Variants in GSK3B observed in about 807,000 individuals in gnomAD.
GSK3B encodes glycogen synthase kinase-3 beta.
A neutral mutation model predicts 56.4 loss-of-function variants in GSK3B; 15 were observed. The ratio of observed to expected loss-of-function variants is 0.27; its 90% CI spans 0.18 to 0.41. The LOEUF (loss-of-function observed/expected upper bound fraction) is 0.41. Among genes scored for constraint, GSK3B ranks in the 10% least tolerant of loss-of-function variants. GSK3B has a pLI of 1.00. For missense variants in GSK3B, 300 were observed against 513.4 expected (o/e 0.58, Z 4.02); for synonymous variants, 181 against 188.9 (o/e 0.96, Z 0.34).
intron 2 of GSK3B, among the ~76,000 whole-genome samples, chr3:119,975,735 G>A (rs779822844): frequency 6.6e-6 from 1 of 152,106 alleles, no homozygotes; most frequent in African/African-American, 2.4e-5. Flanking sequence ...CACAAAGAGT[G>A]AACCATAAGG....
intron 1 of GSK3B, among the ~76,000 whole-genome samples, chr3:120,046,356 C>T (rs77880409): frequency 0.016 from 2,416 of 151,908 alleles, 63 homozygotes; most frequent in African/African-American, 0.055. Flanking sequence ...TGTTAGTAAC[C>T]GGGAAAAATG....
chr3:120,048,473 T>G (rs2058121743), intron 1 of GSK3B, among the ~76,000 whole-genome samples: 1 of 152,240 alleles, frequency 6.6e-6, no homozygotes, highest in Non-Finnish European at 1.5e-5. Context: ...TGCCACTTAC[T>G]AACTGTATTA....
intron 2 of GSK3B, among the ~76,000 whole-genome samples, chr3:120,000,629 T>C (rs2057666425): frequency 6.6e-6 from 1 of 152,092 alleles, no homozygotes; most frequent in African/African-American, 2.4e-5. Flanking sequence ...CAACGCTGCA[T>C]AGTGACAGAG....
At chr3:119,959,560 G>A (rs2057249796) in intron 2 of GSK3B, among the ~76,000 whole-genome samples, 1 of 142,414 alleles carries the variant, frequency 7.0e-6, no homozygotes, top group African/African-American at 2.6e-5. Context: ...TGTCGCCCAG[G>A]CTGGAGTGCA....
chr3:119,929,206 A>G (rs2056919625), intron 3 of GSK3B, among the ~76,000 whole-genome samples: 1 of 152,224 alleles, frequency 6.6e-6, no homozygotes. Flanking sequence ...TCTAATAAAG[A>G]GAACAAATTA....
chr3:119,915,067 A>G (rs773143037), intron 5 of GSK3B, among the ~76,000 whole-genome samples: 1 of 152,096 alleles, frequency 6.6e-6, no homozygotes, highest in Non-Finnish European at 1.5e-5. Context: ...ATGGGAATGT[A>G]GGCTTGACTA....
intron 9 of GSK3B, among the ~76,000 whole-genome samples, chr3:119,862,889 A>T (rs902465412): frequency 3.3e-5 from 5 of 152,198 alleles, no homozygotes; most frequent in African/African-American, 4.8e-5. Flanking sequence ...GTATTATCTC[A>T]GCAGCAGCAA....
intron 8 of GSK3B, among the ~76,000 whole-genome samples, chr3:119,872,187 G>A (rs1288388123): frequency 1.3e-5 from 2 of 152,030 alleles, no homozygotes; most frequent in Non-Finnish European, 2.9e-5. Flanking sequence ...ATGCATTTAA[G>A]GATACAGGAA....
At chr3:119,889,627 G>GA (rs1331343145) in intron 7 of GSK3B, among the ~76,000 whole-genome samples, 7 of 152,028 alleles carry the variant, frequency 4.6e-5, no homozygotes, top group Non-Finnish European at 8.8e-5. Context: ...AAAAGAGGGG[G>GA]AAAAACAGAG....
intron 2 of GSK3B, among the ~76,000 whole-genome samples, chr3:119,969,335 A>ATAGT (rs1178868727): frequency 6.6e-6 from 1 of 152,026 alleles, no homozygotes; most frequent in Non-Finnish European, 1.5e-5. Context: ...TAAAACTGTT[A>ATAGT]CCAAAAAAGT....
rs72969127 is a variant in GSK3B, at chr3:119,972,749, A to G, written c.283-25398T>C. Among the ~76,000 whole-genome samples the G allele has an allele frequency of 4.6e-3, 692 of 151,992 alleles. 7 individuals carry two copies. Among genetic ancestry groups the G allele is most frequent in the African/African-American group, 0.016 (668 of 41,468 alleles). On this transcript the variant is annotated intron_variant, in intron 2 of 10. Transcript: ENST00000264235. ...CGCGCCCACCTATTTTTTTCTTTTT[A>G]CTGTTCTGTGATATGGATTTTTTAA...
At chr3:119,839,502 G>A (rs9874110) in intron 10 of GSK3B, among the ~76,000 whole-genome samples, 2,754 of 152,058 alleles carry the variant, frequency 0.018, 91 homozygotes, top group African/African-American at 0.063. Context: ...TAGGAGCCTC[G>A]GTATTCTGAT....
At chr3:120,015,871 T>C (rs1214040078) in intron 1 of GSK3B, among the ~76,000 whole-genome samples, 1 of 152,030 alleles carries the variant, frequency 6.6e-6, no homozygotes, top group African/African-American at 2.4e-5. Flanking sequence ...TGGTCAGATA[T>C]AAATTCCTGG....
At chr3:119,894,289 T>G (rs2056537801) in intron 7 of GSK3B, among the ~76,000 whole-genome samples, 1 of 152,128 alleles carries the variant, frequency 6.6e-6, no homozygotes, top group South Asian at 2.1e-4. Flanking sequence ...ACCTACAAGC[T>G]GAATTGCTGG....
At chr3:120,007,039 G>A (rs563964606) in intron 1 of GSK3B, among the ~76,000 whole-genome samples, 10 of 151,946 alleles carry the variant, frequency 6.6e-5, no homozygotes, top group South Asian at 2.1e-4. Flanking sequence ...AAGAAGAAAC[G>A]AGAGAAGAAT....
intron 1 of GSK3B, among the ~76,000 whole-genome samples, chr3:120,069,665 GA>G (rs5852231): frequency 5.5e-4 from 77 of 140,796 alleles, no homozygotes; most frequent in Admixed American, 1.0e-3. Context: ...ACAGTTTTTG[GA>G]AAAAAAAAAA....
intron 9 of GSK3B, among the ~76,000 whole-genome samples, chr3:119,846,896 C>T (rs1000780896): frequency 6.6e-5 from 10 of 152,026 alleles, no homozygotes; most frequent in African/African-American, 2.4e-4. Context: ...CAAATGCCCA[C>T]CAATGATAGA....
At position 120,063,185 on chromosome 3, in the gene GSK3B, C is replaced by T. The variant is rs564750154; in HGVS notation, c.88+30162G>A. On this transcript the variant is annotated intron_variant, in intron 1 of 10. Transcript: ENST00000264235. ...CCTTTAATAAAAAGTCTTGAACTAACCAGTAGTAACTTCTGGAGATATGAA... is the reference window on the plus strand; with the variant it reads ...CCTTTAATAAAAAGTCTTGAACTAATCAGTAGTAACTTCTGGAGATATGAA... Among the ~76,000 whole-genome samples, 45 of 152,190 alleles carry T rather than the reference C, an allele frequency of 3.0e-4. 1 individual carries two copies. In the Middle Eastern group the frequency reaches 0.017, roughly 58 times the overall value.
chr3:119,884,843 CT>C (rs1012863959), intron 7 of GSK3B, among the ~76,000 whole-genome samples: 19 of 152,052 alleles, frequency 1.2e-4, no homozygotes, highest in African/African-American at 4.3e-4. Context: ...AAATCTACCC[CT>C]ATCATGGTAA....
Sources: allele counts gnomAD v4.1 joint callset (sites outside exome capture counted in the v4.1 genomes callset), GRCh38; gene constraint gnomAD v4.1.1; transcripts MANE v1.5; gene names NCBI Gene and HGNC (gene_info 2026-07-23, HGNC 2026-07-21).